Variants in ZPR1 observed in about 807,000 individuals in gnomAD.
ZPR1 encodes ZPR1 zinc finger.
A neutral mutation model predicts 59.6 loss-of-function variants in ZPR1; 37 were observed. That is an observed-to-expected ratio of 0.62 (90% CI 0.48 to 0.82). ZPR1 has a LOEUF of 0.82. Ranked by LOEUF, ZPR1 falls within the 40% of genes least tolerant of loss-of-function variation. The pLI, the probability that ZPR1 is intolerant of heterozygous loss-of-function variation, is 0.00. For missense variants in ZPR1, 527 were observed against 579.9 expected, an observed-to-expected ratio of 0.91 and a Z score of 0.94; for synonymous variants, 191 against 215.2, an observed-to-expected ratio of 0.89 and a Z score of 0.99.
Position 116,777,834 on chromosome 11 carries a change from C to T in ZPR1, c.*1091G>A, listed in dbSNP as rs1940744915. 1 of 152,128 alleles carries T rather than the reference C, an allele frequency of 6.6e-6. No individual in the cohort carries two copies. Among genetic ancestry groups the T allele is most frequent in the Non-Finnish European group, 1.5e-5 (1 of 68,024 alleles). The allele number at this position is 152,128 out of a possible 1,614,324, so 9.4% of individuals were successfully genotyped here. A position where few individuals can be genotyped will look rare whatever the true frequency, so the allele number is the denominator to read the frequency against. ...GTGCAAAGAACACTGGCTGGGAAGT[C>T]CAGGGCCCAAGCAGCAGAGTGTTCA... On this transcript the variant is annotated 3_prime_UTR_variant, in exon 14 of 14. Coordinates refer to ENST00000227322, the MANE Select transcript of ZPR1 (RefSeq NM_003904.5).
At chr11:116,787,437 ATC>A in intron 2 of ZPR1, 43 bp downstream of exon 2, 3 of 1,588,758 alleles carry the variant, frequency 1.9e-6, no homozygotes, top group South Asian at 1.1e-5. Flanking sequence ...CCAGTACCGA[ATC>A]TCTCTCTAGA....
Position 116,779,821 on chromosome 11 carries a change from A to G in ZPR1, c.1196T>C (p.Met399Thr), listed in dbSNP as rs537462913. The change falls in exon 13 of 14, where the codon ATG becomes ACG. Residue 399 changes from methionine to threonine, a missense_variant. Coordinates refer to ENST00000227322, the MANE Select transcript of ZPR1 (RefSeq NM_003904.5). ...QKMDQIIEGNMKAHFIMDDPA... is the reference protein window; with the variant it reads ...QKMDQIIEGNTKAHFIMDDPA... The stretch of plus-strand genomic sequence containing the variant: ...ATCATCCATAATAAAGTGGGCCTTC[A>G]TGTTACCTTCGATGATCTAAAGGAG... The G allele has an allele frequency of 6.4e-7, 1 of 1,569,150 alleles. No individual in the cohort carries two copies. Among genetic ancestry groups the G allele is most frequent in the East Asian group, 2.4e-5 (1 of 41,516 alleles).
At position 116,777,077 on chromosome 11, in the gene ZPR1, ATCTGATATGGAGAGATG is replaced by A. The variant is rs1222328053; in HGVS notation, c.*1831_*1847del. On this transcript the variant is annotated 3_prime_UTR_variant, in exon 14 of 14. Coordinates refer to ENST00000227322, the MANE Select transcript of ZPR1 (RefSeq NM_003904.5). ...CCACATGATAGTAAGATGCCAAAGAATCTGATATGGAGAGATGTCTGAAAGCAGAACTCTCAGAAACA... is the reference window on the plus strand; with the variant it reads ...CCACATGATAGTAAGATGCCAAAGAATCTGAAAGCAGAACTCTCAGAAACA... 6.6e-6 allele frequency: 1 copy of A among 152,228 alleles called. No homozygotes were observed. Among genetic ancestry groups the A allele is most frequent in the Admixed American group, 6.5e-5 (1 of 15,282 alleles). The allele number at this position is 152,228 out of a possible 1,614,324, so 9.4% of individuals were successfully genotyped here.
Position 116,787,075 on chromosome 11 carries a change from T to C in ZPR1, c.334-16A>G. On this transcript the variant is annotated splice_polypyrimidine_tract_variant and intron_variant, in intron 2 of 13. Coordinates refer to ENST00000227322, the MANE Select transcript of ZPR1 (RefSeq NM_003904.5). ...TGTTCATGTCCTGGGAAGAAAAGAA[T>C]ACGTTCAGTACAAAGAGACTGCAGA... 1 of 1,604,046 alleles carries C rather than the reference T, an allele frequency of 6.2e-7. No homozygotes were observed. Among genetic ancestry groups the C allele is most frequent in the Non-Finnish European group, 8.5e-7 (1 of 1,170,826 alleles).
chr11:116,787,510 C>G lies in ZPR1; in HGVS notation c.305G>C (p.Arg102Pro). The G allele has an allele frequency of 3.7e-6, 6 of 1,614,112 alleles. No individual in the cohort carries two copies. Among genetic ancestry groups the G allele is most frequent in the Non-Finnish European group, 5.1e-6 (6 of 1,179,994 alleles). Residue 102 changes from arginine (R) to proline (P), a missense_variant, in exon 2 of 14, where the codon CGC (arginine) becomes CCC (proline). Coordinates refer to ENST00000227322, the MANE Select transcript of ZPR1 (RefSeq NM_003904.5). ...CAGAGCCCTGACAGACAAAGTGTAG[C>G]GCACTCCCTGGTCCTGGATCCTGCC... Reference protein sequence around the residue: ...SAGRIQDQGVRYTLSVRALED... With the variant: ...SAGRIQDQGVPYTLSVRALED...
chr11:116,783,567 A>T lies in ZPR1; in HGVS notation c.944T>A (p.Ile315Asn). ...EPLGTRITLH[I>N]TDASDMTRDL... ...TCTGGTCATATCTGAGGCATCTGTG[A>T]TGTGGAGGGTGATCCTGGTGCCCAA... Residue 315 changes from isoleucine to asparagine, a missense_variant, in exon 10 of 14, where the codon ATC becomes AAC. Coordinates refer to ENST00000227322, the MANE Select transcript of ZPR1 (RefSeq NM_003904.5). 6.2e-7 allele frequency: 1 copy of T among 1,614,152 alleles called. No individual in the cohort carries two copies. The highest frequency in any genetic ancestry group is 8.5e-7 in the Non-Finnish European group (1 of 1,180,026).
rs1940893340 is a variant in ZPR1 at position 116,786,724 on chromosome 11, T to C, written c.425-143A>G. ...TGAGAAGGCCAGGTGCAAGGTTCCA[T>C]TCATGTCTGATAATAGTGATGCTAA... On this transcript the variant is annotated intron_variant, in intron 3 of 13. Transcript: ENST00000227322. The C allele has an allele frequency of 4.0e-6, 3 of 750,222 alleles. No homozygotes were observed. The East Asian group carries it at 8.0e-5, about 20-fold the overall frequency. 46.5% of individuals were successfully genotyped at this position (750,222 alleles called of 1,614,324 possible).
In ZPR1 at chr11:116,787,583, A is replaced by G; in HGVS notation, c.232T>C (p.Phe78Leu). 1 of 1,614,226 alleles carries G rather than the reference A, an allele frequency of 6.2e-7. No homozygotes were observed. The highest frequency in any genetic ancestry group is 8.5e-7 in the Non-Finnish European group (1 of 1,180,028). The stretch of plus-strand genomic sequence containing the variant: ...TTCCAGCCACAGTGCTCGCAGGAAA[A>G]GGAGCTCACTATTATTTCTCTGAAG... ...PFFREIIVSS[F>L]SCEHCGWNNT... Residue 78 changes from phenylalanine to leucine, a missense_variant, in exon 2 of 14, where the codon TTT (phenylalanine) becomes CTT (leucine). Transcript: ENST00000227322.
chr11:116,782,020 AAAAAAAG>A, intron 12 of ZPR1, 131 bp downstream of exon 12: 1 of 671,400 alleles, frequency 1.5e-6, no homozygotes, highest in Non-Finnish European at 2.5e-6. Flanking sequence ...TCCAAAAAAA[AAAAAAAG>A]AAAAGAAAAC....
At position 116,784,422 on chromosome 11, in the gene ZPR1, T is replaced by C. The variant is rs764441989; in HGVS notation, c.847A>G (p.Ile283Val). The C allele has an allele frequency of 1.9e-6, 3 of 1,614,198 alleles. No homozygotes were observed. The highest frequency in any genetic ancestry group is 3.3e-5 in the Admixed American group (2 of 60,024). Residue 283 changes from isoleucine to valine, a missense_variant, in exon 9 of 14, where the codon ATC becomes GTC. Transcript: ENST00000227322. ...CAGTTCTCGCAGTTGGTAGCCATGA[T>C]GATAACCTCCTTAAAGTGAGGGATT... ...VQIPHFKEVI[I>V]MATNCENCGH...
At position 116,785,854 on chromosome 11, in the gene ZPR1, A is replaced by G. The variant is rs1286682874; in HGVS notation, c.524T>C (p.Ile175Thr). The part of the protein sequence containing the change: ...RANKDATAER[I>T]DEFIVKLKEL... ...CTTCAGTTTGACAATGAACTCATCA[A>G]TTCTTTCAGCTGTAGCATCTTTGTT... Residue 175 changes from isoleucine to threonine, a missense_variant, in exon 5 of 14, where the codon ATT becomes ACT. Coordinates refer to ENST00000227322, the MANE Select transcript of ZPR1 (RefSeq NM_003904.5). 1.2e-6 allele frequency: 2 copies of G among 1,614,162 alleles called. No homozygotes were observed. The highest frequency in any genetic ancestry group is 1.7e-6 in the Non-Finnish European group (2 of 1,180,036).
chr11:116,787,165 C>T (rs373040448), intron 2 of ZPR1, 106 bp from the exon 3 acceptor site: 13 of 1,008,520 alleles, frequency 1.3e-5, no homozygotes, highest in Non-Finnish European at 2.0e-5. Flanking sequence ...AGCTGTCTCT[C>T]CCTCTCGCCA....
In ZPR1 at chr11:116,787,444, T is replaced by C. The variant is rs533654257; in HGVS notation, c.333+38A>G. On this transcript the variant is annotated intron_variant, in intron 2 of 13. Transcript: ENST00000227322. The stretch of plus-strand genomic sequence containing the variant: ...CTCTGACCCCAGTACCGAATCTCTC[T>C]CTAGAATACTGAGGTACCTGCTCTG... 2.1e-5 allele frequency: 34 copies of C among 1,597,604 alleles called. 2 individuals are homozygous for C. The Admixed American group carries it at 4.4e-4, about 21-fold the overall frequency.
intron 13 of ZPR1, 118 bp downstream of exon 13, chr11:116,779,654 T>C: frequency 1.4e-6 from 1 of 728,658 alleles, no homozygotes; most frequent in Non-Finnish European, 2.2e-6. Flanking sequence ...AACTTCTGCC[T>C]CCTTGGTAAA....
At chr11:116,784,775 G>A (rs1565321784) in intron 8 of ZPR1, 80 bp downstream of exon 8, 1 of 1,429,246 alleles carries the variant, frequency 7.0e-7, no homozygotes, top group East Asian at 2.3e-5. Context: ...TGTTTTCCTT[G>A]AAAGGGATGC....
rs1940841537 is a variant in ZPR1, at chr11:116,783,584, G to C, written c.927C>G (p.Thr309=). The C allele has an allele frequency of 6.2e-7, 1 of 1,614,130 alleles. No individual in the cohort carries two copies. ...KSGGAVEPLG[T]RITLHITDAS... ...CATCTGTGATGTGGAGGGTGATCCTGGTGCCCAAGGGTTCTACTGCTCCTC... is the reference window on the plus strand; with the variant it reads ...CATCTGTGATGTGGAGGGTGATCCTCGTGCCCAAGGGTTCTACTGCTCCTC... The change falls in exon 10 of 14, where the codon ACC becomes ACG. Residue 309 remains threonine (T), a synonymous_variant. Transcript: ENST00000227322.
At chr11:116,787,107 TCTC>T (rs886680708) in intron 2 of ZPR1, 48 bp from the exon 3 acceptor site, 35 of 1,508,224 alleles carry the variant, frequency 2.3e-5, no homozygotes, top group Non-Finnish European at 3.2e-5. Flanking sequence ...CAGAACAGCT[TCTC>T]CTCAAGTAAT....
intron 2 of ZPR1, 68 bp from the exon 3 acceptor site, chr11:116,787,127 AC>A: frequency 7.2e-7 from 1 of 1,385,794 alleles, no homozygotes; most frequent in Non-Finnish European, 1.0e-6. Context: ...TAATAACCAG[AC>A]CGTCCCCTTC....
intron 3 of ZPR1, 114 bp downstream of exon 3, chr11:116,786,855 A>T (rs762618441): frequency 2.2e-5 from 19 of 855,044 alleles, no homozygotes; most frequent in Non-Finnish European, 3.5e-5. Flanking sequence ...CACAATGATT[A>T]CATGGTAGAA....
Sources: allele counts gnomAD v4.1 joint callset, GRCh38; gene constraint gnomAD v4.1.1; transcripts MANE v1.5; gene names NCBI Gene and HGNC (gene_info 2026-07-23, HGNC 2026-07-21).